Variants in VPS50 observed in about 807,000 individuals in gnomAD.
VPS50 encodes the protein syndetin.
VPS50 carries 70 observed loss-of-function variants against 139.7 expected under a neutral mutation model. That is an observed-to-expected ratio of 0.50 (90% CI 0.41 to 0.61). The LOEUF is 0.61. Among genes scored for constraint, VPS50 ranks in the 20% least tolerant of loss-of-function variants. The pLI is 0.00. For missense variants in VPS50, 921 were observed against 1,133.7 expected, an observed-to-expected ratio of 0.81 and a Z score of 2.69; for synonymous variants, 365 against 376.7, an observed-to-expected ratio of 0.97 and a Z score of 0.36.
intron 16 of VPS50, among the ~76,000 whole-genome samples, chr7:93,301,158 G>T (rs1354146348): frequency 6.6e-6 from 1 of 151,956 alleles, no homozygotes; most frequent in Admixed American, 6.6e-5. Context: ...TTACCCGGGC[G>T]TGGTGGCGGG....
chr7:93,233,942 C>T (rs944377659), intron 1 of VPS50, among the ~76,000 whole-genome samples: 5 of 152,124 alleles, frequency 3.3e-5, no homozygotes, highest in African/African-American at 4.8e-5. Flanking sequence ...ACGCAGAGAC[C>T]GTTAGTTACA....
At chr7:93,303,768 C>T (rs1797043630) in intron 17 of VPS50, among the ~76,000 whole-genome samples, 1 of 151,786 alleles carries the variant, frequency 6.6e-6, no homozygotes, top group South Asian at 2.1e-4. Context: ...ATTCAGTTTA[C>T]ATACTTTAGG....
At chr7:93,248,623 A>G (rs879187212) in intron 2 of VPS50, among the ~76,000 whole-genome samples, 1 of 152,120 alleles carries the variant, frequency 6.6e-6, no homozygotes, top group Non-Finnish European at 1.5e-5. Flanking sequence ...ATTTTTTGCA[A>G]TTAACTGTAA....
intron 11 of VPS50, 77 bp from the exon 12 acceptor site, chr7:93,276,088 C>T: frequency 2.3e-6 from 3 of 1,319,788 alleles, no homozygotes; most frequent in South Asian, 1.7e-5. Context: ...AGATGTTTCC[C>T]TGGGTTTTTT....
chr7:93,331,378 A>G (rs538314533), intron 21 of VPS50, among the ~76,000 whole-genome samples: 1 of 152,168 alleles, frequency 6.6e-6, no homozygotes, highest in Admixed American at 6.5e-5. Flanking sequence ...CCAGAGCTAC[A>G]GTAGTTGATA....
chr7:93,323,684 T>C lies in VPS50; in HGVS notation c.1929T>C (p.Phe643=). The C allele has an allele frequency of 7.1e-7, 1 of 1,411,664 alleles. No individual in the cohort carries two copies. The highest frequency in any genetic ancestry group is 9.6e-7 in the Non-Finnish European group (1 of 1,041,648). The allele number at this position is 1,411,664 out of a possible 1,614,324, so 87.4% of individuals were successfully genotyped here. A position where few individuals can be genotyped will look rare whatever the true frequency, so the allele number is the denominator to read the frequency against. ...FDVIHFMSQL[F]DYYLYAIYTF... ...TTATTCATTTCATGTCTCAACTATT[T>C]GATTATTACTTGTATGCAATATATA... Residue 643 remains phenylalanine (F), a synonymous_variant, in exon 21 of 28, where the codon TTT becomes TTC. Transcript: ENST00000305866.
chr7:93,357,004 G>T (rs1424355654), intron 27 of VPS50, among the ~76,000 whole-genome samples: 1 of 152,172 alleles, frequency 6.6e-6, no homozygotes, highest in Non-Finnish European at 1.5e-5. Context: ...TAGAAGCAAA[G>T]TAGGAATGTA....
intron 21 of VPS50, 133 bp downstream of exon 21, chr7:93,323,865 T>A (rs1797690531): frequency 2.6e-6 from 1 of 390,064 alleles, no homozygotes; most frequent in Non-Finnish European, 4.4e-6. Flanking sequence ...AACAAAATTA[T>A]TGATATCAGC....
chr7:93,299,164 G>C (rs1295953071), intron 16 of VPS50, among the ~76,000 whole-genome samples: 3 of 152,146 alleles, frequency 2.0e-5, no homozygotes, highest in Non-Finnish European at 4.4e-5. Flanking sequence ...TTTTCGCTCT[G>C]ACAGTTGCCA....
At chr7:93,340,269 A>G (rs1001918929) in intron 22 of VPS50, among the ~76,000 whole-genome samples, 1 of 152,250 alleles carries the variant, frequency 6.6e-6, no homozygotes, top group Non-Finnish European at 1.5e-5. Context: ...TGCTGTACAA[A>G]GGGAAACTTA....
rs776439567 is a variant in VPS50 at position 93,311,191 on chromosome 7, A to G, written c.1774A>G (p.Arg592Gly). 2 of 1,357,114 alleles carry G rather than the reference A, an allele frequency of 1.5e-6. No homozygotes were observed. Among genetic ancestry groups the G allele is most frequent in the East Asian group, 2.3e-5 (1 of 43,584 alleles). The allele number at this position is 1,357,114 out of a possible 1,614,324, so 84.1% of individuals were successfully genotyped here. A position where few individuals can be genotyped will look rare whatever the true frequency, so the allele number is the denominator to read the frequency against. Reference protein sequence around the residue: ...KSVSRETLKSRKKSDYSLNKV... With the variant: ...KSVSRETLKSGKKSDYSLNKV... The stretch of plus-strand genomic sequence containing the variant: ...TGTTTCTCGGGAAACTCTAAAAAGC[A>G]GGAAGAAATCAGATTACAGTCTAAA... Residue 592 changes from arginine (R) to glycine (G), a missense_variant, in exon 20 of 28, where the codon AGG becomes GGG. Transcript: ENST00000305866.
rs745803422 is a variant in VPS50, at chr7:93,252,748, A to C, written c.198A>C (p.Ser66=). ...AACAAGTATATTTTTCTGTGGATTC[A>C]TTTGATATTGTTAAATATGAGCTGG... ...SIEQVYFSVD[S]FDIVKYELEK... is the part of the protein sequence containing the mutation. Residue 66 remains serine, a synonymous_variant, in exon 3 of 28, where the codon TCA becomes TCC. Transcript: ENST00000305866. 1 of 1,591,152 alleles carries C rather than the reference A, an allele frequency of 6.3e-7. No homozygotes were observed. Among genetic ancestry groups the C allele is most frequent in the East Asian group, 2.2e-5 (1 of 44,544 alleles).
intron 9 of VPS50, among the ~76,000 whole-genome samples, chr7:93,260,573 G>T (rs1226036129): frequency 6.6e-6 from 1 of 151,044 alleles, no homozygotes; most frequent in African/African-American, 2.4e-5. Context: ...ACAAGTCTTT[G>T]CTGGTTATAG....
rs1798763349 is a variant in VPS50 at position 93,358,301 on chromosome 7, T to C, written c.2776-16T>C. 2 of 1,611,984 alleles carry C rather than the reference T, an allele frequency of 1.2e-6. No individual in the cohort carries two copies. The highest frequency in any genetic ancestry group is 3.3e-5 in the Admixed American group (2 of 59,906). On this transcript the variant is annotated splice_polypyrimidine_tract_variant and intron_variant, in intron 27 of 27. Transcript: ENST00000305866. ...CCTTTTAGGGTACTAAATTTGGATC[T>C]TTCTTCTTTGAGCAGGAATATTCAA...
At chr7:93,282,199 G>A (rs1489782668) in intron 12 of VPS50, among the ~76,000 whole-genome samples, 13 of 148,540 alleles carry the variant, frequency 8.8e-5, no homozygotes, top group African/African-American at 3.0e-4. Context: ...GCCAGACTCC[G>A]TCTCAAAAAA....
At chr7:93,331,860 T>G (rs1192935500) in intron 21 of VPS50, among the ~76,000 whole-genome samples, 1 of 152,178 alleles carries the variant, frequency 6.6e-6, no homozygotes, top group South Asian at 2.1e-4. Context: ...TGTAAACAAC[T>G]CTTATAACTC....
intron 26 of VPS50, 78 bp from the exon 27 acceptor site, chr7:93,355,813 A>G: frequency 1.3e-6 from 1 of 775,694 alleles, no homozygotes; most frequent in Non-Finnish European, 2.0e-6. Context: ...TATAGGTTAG[A>G]GAAAACTTCA....
chr7:93,287,223 T>C (rs1314761483), intron 12 of VPS50, among the ~76,000 whole-genome samples: 1 of 152,082 alleles, frequency 6.6e-6, no homozygotes, highest in Non-Finnish European at 1.5e-5. Context: ...GACATTTAGG[T>C]ATGTGCAGTG....
At position 93,359,924 on chromosome 7, in the gene VPS50, A is replaced by G. The variant is rs1187837549; in HGVS notation, c.*1488A>G. The stretch of plus-strand genomic sequence containing the variant: ...GTCGGAGTTCATTTACTGTCAATTT[A>G]AAACTTTCCTCTTGTAAAAAGGTAT... On this transcript the variant is annotated 3_prime_UTR_variant, in exon 28 of 28. Coordinates refer to ENST00000305866, the MANE Select transcript of VPS50 (RefSeq NM_017667.4). 6.6e-6 allele frequency: 1 copy of G among 152,152 alleles called. No homozygotes were observed. The highest frequency in any genetic ancestry group is 1.5e-5 in the Non-Finnish European group (1 of 68,014). The allele number at this position is 152,152 out of a possible 1,614,324, so 9.4% of individuals were successfully genotyped here. A position where few individuals can be genotyped will look rare whatever the true frequency, so the allele number is the denominator to read the frequency against.
Sources: allele counts gnomAD v4.1 joint callset (sites outside exome capture counted in the v4.1 genomes callset), GRCh38; gene constraint gnomAD v4.1.1; transcripts MANE v1.5; gene names NCBI Gene and HGNC (gene_info 2026-07-23, HGNC 2026-07-21).